Variants in NCOA1 observed in about 807,000 individuals in gnomAD.
NCOA1 encodes Hin-2 protein.
NCOA1 carries 35 observed loss-of-function variants against 150.9 expected under a neutral mutation model. That is an observed-to-expected ratio of 0.23 (90% CI 0.18 to 0.31). NCOA1 has a LOEUF of 0.31. Ranked by LOEUF, NCOA1 falls within the 10% of genes least tolerant of loss-of-function variation. The probability of loss-of-function intolerance (pLI) is 1.00; values close to 1 mark genes in which losing one functional copy is unlikely to be tolerated. For synonymous variants in NCOA1, 590 were observed against 630.0 expected, an observed-to-expected ratio of 0.94 and a Z score of 0.95; for missense variants, 1,491 against 1,749.3, an observed-to-expected ratio of 0.85 and a Z score of 2.63.
At chr2:24,495,847 TG>T (rs1343022140) in intron 1 of NCOA1, among the ~76,000 whole-genome samples, 1 of 152,226 alleles carries the variant, frequency 6.6e-6, no homozygotes, top group African/African-American at 2.4e-5. Context: ...GTAACGTACT[TG>T]TCCTCATATT....
intron 6 of NCOA1, among the ~76,000 whole-genome samples, chr2:24,667,847 A>G (rs1425339055): frequency 6.6e-6 from 1 of 152,200 alleles, no homozygotes; most frequent in East Asian, 1.9e-4. Context: ...TCTTCTGAGT[A>G]AAGTTGTTCC....
intron 9 of NCOA1, among the ~76,000 whole-genome samples, chr2:24,692,130 A>G (rs570844877): frequency 6.6e-6 from 1 of 152,336 alleles, no homozygotes; most frequent in East Asian, 1.9e-4. Context: ...TGAAGCTCTA[A>G]TATGAACATG....
At chr2:24,580,993 T>C (rs999389780) in intron 2 of NCOA1, among the ~76,000 whole-genome samples, 1 of 152,164 alleles carries the variant, frequency 6.6e-6, no homozygotes, top group Non-Finnish European at 1.5e-5. Context: ...GGGATACAAG[T>C]CCAGGTTCTC....
intron 1 of NCOA1, among the ~76,000 whole-genome samples, chr2:24,504,084 A>G (rs1663590681): frequency 6.6e-6 from 1 of 151,382 alleles, no homozygotes; most frequent in African/African-American, 2.5e-5. Flanking sequence ...TGTAAATTAT[A>G]GTAGATGGAG....
chr2:24,599,738 T>C (rs1668031659), intron 3 of NCOA1, among the ~76,000 whole-genome samples: 1 of 150,696 alleles, frequency 6.6e-6, no homozygotes, highest in Non-Finnish European at 1.5e-5. Flanking sequence ...TTTTTTTTTT[T>C]TTTTTTGAGA....
chr2:24,576,689 G>A (rs564854497), intron 2 of NCOA1, among the ~76,000 whole-genome samples: 9 of 152,248 alleles, frequency 5.9e-5, no homozygotes, highest in African/African-American at 1.9e-4. Flanking sequence ...ATTAAGATGT[G>A]GGCCTAAGTT....
intron 1 of NCOA1, among the ~76,000 whole-genome samples, chr2:24,502,854 T>G (rs896792549): frequency 6.6e-6 from 1 of 152,246 alleles, no homozygotes; most frequent in Non-Finnish European, 1.5e-5. Context: ...CCATAAAATT[T>G]AAAAGTAATC....
intron 16 of NCOA1, 137 bp from the exon 17 acceptor site, chr2:24,729,364 A>G (rs1175154475): frequency 1.2e-6 from 1 of 807,060 alleles, no homozygotes; most frequent in Non-Finnish European, 1.9e-6. Context: ...GCTTTTATAA[A>G]TGATTTCTTT....
chr2:24,501,834 C>T (rs1483774290), intron 1 of NCOA1, among the ~76,000 whole-genome samples: 1 of 152,134 alleles, frequency 6.6e-6, no homozygotes, highest in African/African-American at 2.4e-5. Context: ...GGTCCATGAC[C>T]TCCCCCAATG....
chr2:24,701,996 G>A (rs1346294534), intron 11 of NCOA1, among the ~76,000 whole-genome samples: 1 of 152,154 alleles, frequency 6.6e-6, no homozygotes, highest in Non-Finnish European at 1.5e-5. Context: ...GGTGACAGAG[G>A]GAGACCCTGT....
intron 1 of NCOA1, among the ~76,000 whole-genome samples, chr2:24,510,425 C>T (rs1291539395): frequency 2.0e-5 from 3 of 152,140 alleles, no homozygotes; most frequent in East Asian, 3.8e-4. Context: ...TAGCTGACTG[C>T]AGCCTCAAAC....
chr2:24,741,010 A>G (rs1173481299), intron 18 of NCOA1, among the ~76,000 whole-genome samples: 1 of 152,202 alleles, frequency 6.6e-6, no homozygotes, highest in Non-Finnish European at 1.5e-5. Context: ...TGCCTGGAAT[A>G]ATCTGAAACT....
rs368060785 is a variant in NCOA1 at position 24,547,754 on chromosome 2, C to T, written c.-395-16541C>T. ...CTGTAATCCCAACACTTTAGGAGGC[C>T]GAGGTGGGCGGATCATGAGCTCAGG... On this transcript the variant is annotated intron_variant, in intron 1 of 22. Coordinates refer to ENST00000348332, the MANE Select transcript of NCOA1 (RefSeq NM_003743.5). Among the ~76,000 whole-genome samples, 6 of 151,522 alleles carry T rather than the reference C, an allele frequency of 4.0e-5. No homozygotes were observed. The East Asian group carries it at 5.8e-4, about 15-fold the overall frequency.
intron 14 of NCOA1, among the ~76,000 whole-genome samples, chr2:24,720,383 G>A (rs1236467705): frequency 6.6e-6 from 1 of 152,204 alleles, no homozygotes; most frequent in Non-Finnish European, 1.5e-5. Flanking sequence ...AGCTTTGCAA[G>A]TTGTGAAAGT....
intron 6 of NCOA1, among the ~76,000 whole-genome samples, chr2:24,667,817 C>G (rs186867961): frequency 3.1e-4 from 47 of 152,240 alleles, no homozygotes; most frequent in African/African-American, 1.1e-3. Flanking sequence ...TCACCTCTTT[C>G]ATGTCTTTGC....
chr2:24,726,128 C>G (rs1674606964), intron 14 of NCOA1, among the ~76,000 whole-genome samples: 1 of 152,120 alleles, frequency 6.6e-6, no homozygotes, highest in South Asian at 2.1e-4. Context: ...AACTGTAGAG[C>G]TGTGTTCATT....
chr2:24,664,481 C>G, intron 5 of NCOA1, among the ~76,000 whole-genome samples: 1 of 151,986 alleles, frequency 6.6e-6, no homozygotes, highest in East Asian at 1.9e-4. Context: ...GAGGCTGAGA[C>G]GGGCGGATCA....
At chr2:24,694,677 TATC>T (rs1373011565) in intron 10 of NCOA1, among the ~76,000 whole-genome samples, 1 of 152,142 alleles carries the variant, frequency 6.6e-6, no homozygotes, top group Non-Finnish European at 1.5e-5. Flanking sequence ...AATTATCAAT[TATC>T]ATAGCCTTCT....
rs886077579 is a variant in NCOA1, at chr2:24,678,237, C to T, written c.355-4714C>T. Among the ~76,000 whole-genome samples, 18 of 152,312 alleles carry T rather than the reference C, an allele frequency of 1.2e-4. No homozygotes were observed. The South Asian group carries it at 3.7e-3, about 32-fold the overall frequency. On this transcript the variant is annotated intron_variant, in intron 7 of 22. Coordinates refer to ENST00000348332, the MANE Select transcript of NCOA1 (RefSeq NM_003743.5). ...ATGATCTCATCCCTTTTTATGGCTA[C>T]ATAGTATTCCATGGTGTATATGTAC...
Sources: gnomAD v4.1 joint callset for allele counts (sites outside exome capture counted in the v4.1 genomes callset) on GRCh38, gnomAD v4.1.1 for gene constraint, MANE v1.5 for transcripts, NCBI Gene and HGNC (gene_info 2026-07-23, HGNC 2026-07-21) for gene names.